DLG2: variants seen among roughly 807,000 people sequenced by gnomAD.
DLG2 encodes the protein discs large MAGUK scaffold protein 2.
In DLG2, 45 loss-of-function variants were observed where a neutral mutation model predicts 132.5. That is an observed-to-expected ratio of 0.34 (90% CI 0.27 to 0.44). The LOEUF (loss-of-function observed/expected upper bound fraction) is 0.44. Ranked by LOEUF, DLG2 falls within the 20% of genes least tolerant of loss-of-function variation. The pLI is 1.00. For missense variants in DLG2, 1,045 were observed against 1,196.9 expected (o/e 0.87, Z 1.87); for synonymous variants, 424 against 419.6 (o/e 1.01, Z -0.13).
chr11:85,567,623 T>C (rs2077599781), intron 3 of DLG2, among the ~76,000 whole-genome samples: 1 of 152,108 alleles, frequency 6.6e-6, no homozygotes, highest in South Asian at 2.1e-4. Context: ...TTGGAAAGAA[T>C]TTTCCTAATT....
chr11:84,163,395 A>C (rs1302744693), intron 9 of DLG2, 66 bp downstream of exon 9: 20 of 1,414,650 alleles, frequency 1.4e-5, no homozygotes, highest in Non-Finnish European at 1.9e-5. Context: ...AAGACAACTC[A>C]TTAAGATTAG....
intron 21 of DLG2, among the ~76,000 whole-genome samples, chr11:83,520,643 A>ATAGATAGATAGATAGATAGG (rs1592370826): frequency 8.7e-6 from 1 of 114,974 alleles, no homozygotes; most frequent in East Asian, 2.2e-4. Flanking sequence ...AGGTAGGTAG[A>ATAGATAGATAGATAGATAGG]TAGATAGATA....
chr11:84,095,063 A>G (rs1025275312), intron 10 of DLG2, among the ~76,000 whole-genome samples: 12 of 152,262 alleles, frequency 7.9e-5, no homozygotes, highest in Non-Finnish European at 1.3e-4. Context: ...TATGACCAAG[A>G]GAAAAAAAAG....
At chr11:85,321,966 A>G (rs2081100218) in intron 3 of DLG2, among the ~76,000 whole-genome samples, 1 of 152,088 alleles carries the variant, frequency 6.6e-6, no homozygotes, top group Non-Finnish European at 1.5e-5. Flanking sequence ...TCGATGTTAT[A>G]TTAAGGCTAT....
At chr11:84,616,552 T>C (rs1174317141) in intron 6 of DLG2, among the ~76,000 whole-genome samples, 3 of 152,092 alleles carry the variant, frequency 2.0e-5, no homozygotes, top group African/African-American at 7.2e-5. Context: ...TCTCATAAAA[T>C]CTCACAGTGA....
At chr11:83,577,698 G>T (rs2096900277) in intron 19 of DLG2, among the ~76,000 whole-genome samples, 1 of 117,148 alleles carries the variant, frequency 8.5e-6, no homozygotes, top group African/African-American at 3.3e-5. Context: ...TAATAAATAG[G>T]ATATTATAAA....
chr11:83,496,267 G>C (rs1433755192), intron 21 of DLG2, among the ~76,000 whole-genome samples: 2 of 151,468 alleles, frequency 1.3e-5, no homozygotes, highest in Non-Finnish European at 1.5e-5. Context: ...TAAAGCCAAA[G>C]TTCACTTGAT....
intron 8 of DLG2, among the ~76,000 whole-genome samples, chr11:84,214,017 C>G (rs1271159408): frequency 6.6e-6 from 1 of 150,972 alleles, no homozygotes; most frequent in Non-Finnish European, 1.5e-5. Context: ...TGATCACACC[C>G]ACAGAGGGCA....
intron 2 of DLG2, among the ~76,000 whole-genome samples, chr11:85,619,583 C>T (rs530410554): frequency 3.3e-5 from 5 of 152,162 alleles, no homozygotes; most frequent in Admixed American, 3.3e-4. Context: ...CCTGTAATCC[C>T]AGCACTTTCA....
intron 7 of DLG2, among the ~76,000 whole-genome samples, chr11:84,504,054 A>G (rs1388936718): frequency 2.0e-5 from 3 of 152,216 alleles, no homozygotes; most frequent in Non-Finnish European, 4.4e-5. Flanking sequence ...GTTGAAAATA[A>G]TAACAAAAAT....
At chr11:83,588,748 T>A (rs1470794849) in intron 19 of DLG2, among the ~76,000 whole-genome samples, 1 of 151,324 alleles carries the variant, frequency 6.6e-6, no homozygotes, top group African/African-American at 2.4e-5. Flanking sequence ...TTGAAAAAAA[T>A]TTAGAAGAAT....
chr11:83,653,411 C>T (rs185353231), intron 18 of DLG2, among the ~76,000 whole-genome samples: 2 of 152,328 alleles, frequency 1.3e-5, no homozygotes, highest in South Asian at 2.1e-4. Context: ...TTCTCTTAAA[C>T]AGCATAAATC....
chr11:85,482,341 G>A (rs2093317697), intron 3 of DLG2, among the ~76,000 whole-genome samples: 1 of 152,114 alleles, frequency 6.6e-6, no homozygotes, highest in Non-Finnish European at 1.5e-5. Flanking sequence ...TAAACAGCAG[G>A]CAGGCACCAA....
chr11:83,701,341 T>C (rs935575862), intron 18 of DLG2, among the ~76,000 whole-genome samples: 21 of 152,296 alleles, frequency 1.4e-4, no homozygotes, highest in African/African-American at 4.8e-4. Context: ...TCCAAAGAGA[T>C]AATGTATTTA....
At chr11:85,119,531 T>C (rs555585078) in intron 5 of DLG2, among the ~76,000 whole-genome samples, 2 of 152,160 alleles carry the variant, frequency 1.3e-5, no homozygotes, top group South Asian at 4.1e-4. Context: ...CGGAATGGGC[T>C]GTAATTGTAC....
chr11:85,093,357 A>G (rs1566833268), intron 6 of DLG2, among the ~76,000 whole-genome samples: 1 of 152,132 alleles, frequency 6.6e-6, no homozygotes, highest in Non-Finnish European at 1.5e-5. Flanking sequence ...ATAATCTTCA[A>G]AAACACTTGA....
intron 11 of DLG2, among the ~76,000 whole-genome samples, chr11:84,013,109 A>T (rs2094975720): frequency 6.6e-6 from 1 of 152,158 alleles, no homozygotes; most frequent in Non-Finnish European, 1.5e-5. Flanking sequence ...TCAGGGATTA[A>T]ACTAAGACCT....
At chr11:84,972,683 T>C (rs2054269973) in intron 6 of DLG2, among the ~76,000 whole-genome samples, 1 of 152,204 alleles carries the variant, frequency 6.6e-6, no homozygotes, top group South Asian at 2.1e-4. Flanking sequence ...TGGGCCGCTC[T>C]GTCAAGTGTT....
intron 3 of DLG2, among the ~76,000 whole-genome samples, chr11:85,415,840 TAACTA>T (rs890467711): frequency 5.9e-5 from 9 of 152,080 alleles, no homozygotes; most frequent in Non-Finnish European, 1.2e-4. Flanking sequence ...CATCAGATAC[TAACTA>T]AACTAAAGAG....
Sources: allele counts gnomAD v4.1 joint callset (sites outside exome capture counted in the v4.1 genomes callset), GRCh38; gene constraint gnomAD v4.1.1; transcripts MANE v1.5; gene names NCBI Gene and HGNC (gene_info 2026-07-23, HGNC 2026-07-21).